Variants in DLGAP2 observed in about 807,000 individuals in gnomAD.
DLGAP2 encodes the protein disks large-associated protein 2.
In DLGAP2, 26 loss-of-function variants were observed where a neutral mutation model predicts 100.3. The observed-to-expected ratio is 0.26, with a 90% CI of 0.19 to 0.36. DLGAP2 has a LOEUF of 0.36. Among genes scored for constraint, DLGAP2 ranks in the 10% least tolerant of loss-of-function variants. The pLI is 1.00. For synonymous variants in DLGAP2, 886 were observed against 630.1 expected (o/e 1.41, Z -6.08); for missense variants, 1,858 against 1,453.2 (o/e 1.28, Z -4.53).
intron 2 of DLGAP2, among the ~76,000 whole-genome samples, chr8:989,640 G>T (rs1270768373): frequency 6.6e-6 from 1 of 152,142 alleles, no homozygotes; most frequent in African/African-American, 2.4e-5. Flanking sequence ...AGGCTGATAT[G>T]TATGATTCTG....
chr8:1,237,696 A>C (rs1361448141), intron 2 of DLGAP2, among the ~76,000 whole-genome samples: 1 of 108,280 alleles, frequency 9.2e-6, no homozygotes, highest in African/African-American at 3.9e-5. Flanking sequence ...CACCGTGTCT[A>C]GTTCTCTCAC....
intron 12 of DLGAP2, among the ~76,000 whole-genome samples, chr8:1,681,761 A>G (rs1001007212): frequency 2.0e-5 from 3 of 152,250 alleles, no homozygotes; most frequent in Non-Finnish European, 2.9e-5. Flanking sequence ...GGACTAGGTG[A>G]GTAGTATTGT....
chr8:1,701,259 A>G lies in DLGAP2; in HGVS notation c.3021A>G (p.Lys1007=). 1 of 1,581,774 alleles carries G rather than the reference A, an allele frequency of 6.3e-7. No homozygotes were observed. The highest frequency in any genetic ancestry group is 8.6e-7 in the Non-Finnish European group (1 of 1,164,616). ...GGAAGTTTCCCATCACAAGAGAAAA[A>G]TCCCTGGACCTGCCCGACAGACAAC... ...PKGKFPITRE[K]SLDLPDRQRQ... Residue 1007 remains lysine, a synonymous_variant, in exon 15 of 15, where the codon AAA becomes AAG. Transcript: ENST00000637795.
At chr8:743,132 C>A (rs1030658121) in intron 1 of DLGAP2, among the ~76,000 whole-genome samples, 1 of 151,916 alleles carries the variant, frequency 6.6e-6, no homozygotes, top group Non-Finnish European at 1.5e-5. Context: ...AGTTTTGGAC[C>A]CAACTTAACC....
At chr8:1,336,404 G>A (rs1024713229) in intron 3 of DLGAP2, among the ~76,000 whole-genome samples, 2 of 152,110 alleles carry the variant, frequency 1.3e-5, no homozygotes, top group African/African-American at 4.8e-5. Flanking sequence ...GAAAGGCACC[G>A]TGCATCCACA....
chr8:1,537,250 C>G (rs530351170), intron 4 of DLGAP2, among the ~76,000 whole-genome samples: 1 of 152,048 alleles, frequency 6.6e-6, no homozygotes, highest in Admixed American at 6.6e-5. Flanking sequence ...CGTGTGCGTG[C>G]AAGTTTGTGC....
In DLGAP2 at chr8:1,501,361, T is replaced by G; in HGVS notation, c.107-5T>G. ...TAAAGAGTGACTTTGTTTCTGTCTT[T>G]GCAGAGGAAGAAGCTGGAGACTTGG... On this transcript the variant is annotated splice_region_variant and splice_polypyrimidine_tract_variant and intron_variant, in intron 3 of 14. Transcript: ENST00000637795. 1 of 1,535,900 alleles carries G rather than the reference T, an allele frequency of 6.5e-7. No individual in the cohort carries two copies. The highest frequency in any genetic ancestry group is 8.7e-7 in the Non-Finnish European group (1 of 1,146,734).
At chr8:1,360,731 G>A (rs1402039277) in intron 3 of DLGAP2, among the ~76,000 whole-genome samples, 1 of 152,086 alleles carries the variant, frequency 6.6e-6, no homozygotes, top group Non-Finnish European at 1.5e-5. Context: ...TCGTTCTTCC[G>A]GTAGCTTCCA....
At chr8:1,115,461 T>C (rs1805087615) in intron 2 of DLGAP2, among the ~76,000 whole-genome samples, 1 of 152,240 alleles carries the variant, frequency 6.6e-6, no homozygotes, top group Non-Finnish European at 1.5e-5. Context: ...GGGGAATAAC[T>C]TTTCATCTGA....
At chr8:1,585,117 A>G (rs1411678108) in intron 6 of DLGAP2, among the ~76,000 whole-genome samples, 1 of 152,084 alleles carries the variant, frequency 6.6e-6, no homozygotes, top group Non-Finnish European at 1.5e-5. Context: ...TATTGTTTTC[A>G]TGAAGACCTT....
At position 1,049,929 on chromosome 8, in the gene DLGAP2, TAC is replaced by T. The variant is rs1198002238; in HGVS notation, c.73+141968_73+141969del. Among the ~76,000 whole-genome samples the T allele has an allele frequency of 5.3e-5, 8 of 152,194 alleles. No individual in the cohort carries two copies. The East Asian group carries it at 1.2e-3, about 22-fold the overall frequency. ...GCAGGCAGGCAGACACATGCATATGTACACACGTGGATATATGCACACACATG... is the reference window on the plus strand; with the variant it reads ...GCAGGCAGGCAGACACATGCATATGTACACGTGGATATATGCACACACATG... On this transcript the variant is annotated intron_variant, in intron 2 of 14. Transcript: ENST00000637795.
chr8:1,262,722 G>C (rs1799376261), intron 3 of DLGAP2: 1 of 152,140 alleles, frequency 6.6e-6, no homozygotes, highest in Non-Finnish European at 1.5e-5. Flanking sequence ...GGTTTATCTT[G>C]ACATAGCAAA....
At chr8:1,502,424 A>T (rs1799755098) in intron 4 of DLGAP2, among the ~76,000 whole-genome samples, 1 of 152,240 alleles carries the variant, frequency 6.6e-6, no homozygotes, top group Admixed American at 6.5e-5. Flanking sequence ...TGTTAAAGAA[A>T]ACTACAGCCA....
chr8:1,348,753 A>G (rs1801632957), intron 3 of DLGAP2, among the ~76,000 whole-genome samples: 1 of 152,222 alleles, frequency 6.6e-6, no homozygotes, highest in South Asian at 2.1e-4. Context: ...TCTTACACTC[A>G]TGATGGCTTT....
intron 2 of DLGAP2, among the ~76,000 whole-genome samples, chr8:1,129,418 A>T (rs1047637364): frequency 1.0e-4 from 15 of 147,880 alleles, no homozygotes; most frequent in South Asian, 2.2e-4. Flanking sequence ...AAAAAAAAAA[A>T]TTTACTTAAA....
chr8:1,682,901 T>C (rs1798994000), intron 12 of DLGAP2, among the ~76,000 whole-genome samples: 1 of 151,630 alleles, frequency 6.6e-6, no homozygotes, highest in African/African-American at 2.4e-5. Context: ...AACATATGTT[T>C]GGTTTCGTGG....
At chr8:1,639,545 C>T (rs1797847460) in intron 8 of DLGAP2, among the ~76,000 whole-genome samples, 1 of 152,208 alleles carries the variant, frequency 6.6e-6, no homozygotes, top group South Asian at 2.1e-4. Flanking sequence ...CCCTGTGGGT[C>T]CTCCCAGAGA....
intron 2 of DLGAP2, among the ~76,000 whole-genome samples, chr8:1,179,911 G>A (rs376733327): frequency 6.6e-5 from 10 of 152,246 alleles, no homozygotes; most frequent in African/African-American, 1.7e-4. Flanking sequence ...ACAAAATAAC[G>A]AGTAGATGGG....
intron 2 of DLGAP2, among the ~76,000 whole-genome samples, chr8:1,229,347 C>T (rs1798485719): frequency 6.6e-6 from 1 of 151,852 alleles, no homozygotes; most frequent in Non-Finnish European, 1.5e-5. Flanking sequence ...AGTATGAATC[C>T]ATCTGTTCTG....
Sources: allele counts gnomAD v4.1 joint callset (sites outside exome capture counted in the v4.1 genomes callset), GRCh38; gene constraint gnomAD v4.1.1; transcripts MANE v1.5; gene names NCBI Gene and HGNC (gene_info 2026-07-23, HGNC 2026-07-21).